Variants in MUC13 observed in about 807,000 individuals in gnomAD.
MUC13 encodes mucin 13, cell surface associated, also known as mucin-13.
MUC13 carries 32 observed loss-of-function variants against 48.3 expected under a neutral mutation model. That is an observed-to-expected ratio of 0.66 (90% CI 0.50 to 0.89). MUC13 has a LOEUF of 0.89. Among genes scored for constraint, MUC13 ranks in the 40% least tolerant of loss-of-function variants. MUC13 has a pLI of 0.00. For synonymous variants in MUC13, 199 were observed against 224.9 expected (o/e 0.88, Z 1.03); for missense variants, 571 against 622.8 (o/e 0.92, Z 0.88).
intron 2 of MUC13, among the ~76,000 whole-genome samples, chr3:124,926,750 A>G (rs1270182252): frequency 6.6e-6 from 1 of 152,224 alleles, no homozygotes; most frequent in Admixed American, 6.5e-5. Context: ...CACGAGTCAT[A>G]TCTGACCAAC....
chr3:124,920,701 ACACT>A (rs1935579914), intron 4 of MUC13, among the ~76,000 whole-genome samples: 1 of 152,220 alleles, frequency 6.6e-6, no homozygotes, highest in East Asian at 1.9e-4. Flanking sequence ...GGCTTTTGTG[ACACT>A]CACACTCAAA....
chr3:124,930,834 A>G (rs1422817887), intron 1 of MUC13, among the ~76,000 whole-genome samples: 1 of 152,252 alleles, frequency 6.6e-6, no homozygotes. Context: ...GGCACTCATC[A>G]GATTCTGTGG....
chr3:124,925,703 T>TC (rs960095684), intron 2 of MUC13, among the ~76,000 whole-genome samples: 1 of 152,214 alleles, frequency 6.6e-6, no homozygotes, highest in African/African-American at 2.4e-5. Context: ...AACCTCTGCC[T>TC]CCCAGGCTTG....
chr3:124,916,844 G>A (rs998348497), intron 5 of MUC13, among the ~76,000 whole-genome samples: 1 of 152,190 alleles, frequency 6.6e-6, no homozygotes, highest in South Asian at 2.1e-4. Context: ...GTCACTTTCT[G>A]TAGGACAGCA....
Position 124,913,614 on chromosome 3 carries a change from G to A in MUC13, c.1032C>T (p.Cys344=), listed in dbSNP as rs373984545. 1.3e-5 allele frequency: 21 copies of A among 1,614,038 alleles called. No homozygotes were observed. Among genetic ancestry groups the A allele is most frequent in the Admixed American group, 3.3e-5 (2 of 60,004 alleles). Residue 344 remains cysteine, a synonymous_variant, in exon 7 of 12, where the codon TGC becomes TGT. Transcript: ENST00000616727. ...GCCTTTGCAGGTCAGATTTGCAATCGCATGCTAAACCATTGAGGCAGTCAT... is the reference window on the plus strand; with the variant it reads ...GCCTTTGCAGGTCAGATTTGCAATCACATGCTAAACCATTGAGGCAGTCAT... ...TADDCLNGLA[C]DCKSDLQRPN... is the part of the protein sequence containing the mutation.
chr3:124,934,740 G>A lies in MUC13; in HGVS notation c.-28C>T. 1 of 1,575,946 alleles carries A rather than the reference G, an allele frequency of 6.3e-7. No homozygotes were observed. ...TAGCTGTTCTTGCTTGGTAATCTGA[G>A]GAGGAAATGATTTCCCTTCCTGGCT... On this transcript the variant is annotated 5_prime_UTR_variant, in exon 1 of 12. Coordinates refer to ENST00000616727, the MANE Select transcript of MUC13 (RefSeq NM_033049.4).
Position 124,910,422 on chromosome 3 carries a change from T to A in MUC13, c.1330A>T (p.Thr444Ser). Residue 444 changes from threonine (T) to serine (S), a missense_variant, in exon 10 of 12, where the codon ACA becomes TCA. By Grantham distance (58) the Thr-to-Ser change is moderately conservative (BLOSUM62 1). Coordinates refer to ENST00000616727, the MANE Select transcript of MUC13 (RefSeq NM_033049.4). ...ILSMIIALIV[T>S]ARSNNKTKHI... ...GACACTTTCATCCCATACCTTGCTG[T>A]GACAATCAATGCAATTATCATGCTG... 1 of 1,613,942 alleles carries A rather than the reference T, an allele frequency of 6.2e-7. No individual in the cohort carries two copies.
chr3:124,913,255 G>A lies in MUC13; in HGVS notation c.1085-15C>T. 6.3e-7 allele frequency: 1 copy of A among 1,599,716 alleles called. No individual in the cohort carries two copies. Reference sequence around the variant, plus strand: ...GAGACTGGAAGCTTCAAAACAGAATGATTTCTGGGTAATTTTCAGAAACAA... The same window carrying A: ...GAGACTGGAAGCTTCAAAACAGAATAATTTCTGGGTAATTTTCAGAAACAA... On this transcript the variant is annotated splice_polypyrimidine_tract_variant and intron_variant, in intron 7 of 11. Transcript: ENST00000616727.
chr3:124,911,989 T>C, intron 9 of MUC13, 115 bp downstream of exon 9: 1 of 1,411,188 alleles, frequency 7.1e-7, no homozygotes, highest in South Asian at 1.4e-5. Flanking sequence ...ATGGTCTCTC[T>C]CTTTATGAAA....
intron 8 of MUC13, 38 bp from the exon 9 acceptor site, chr3:124,912,179 G>T (rs1935430874): frequency 6.2e-7 from 1 of 1,607,318 alleles, no homozygotes; most frequent in Non-Finnish European, 8.5e-7. Flanking sequence ...GTGTTAAAGA[G>T]CCCCTGTGGG....
chr3:124,921,172 CA>C (rs1055243027), intron 4 of MUC13, among the ~76,000 whole-genome samples: 2 of 150,760 alleles, frequency 1.3e-5, no homozygotes, highest in African/African-American at 4.9e-5. Flanking sequence ...TTTCTCCAGG[CA>C]GAGTCTCACT....
chr3:124,932,726 T>A (rs748605147), intron 1 of MUC13, among the ~76,000 whole-genome samples: 3 of 152,036 alleles, frequency 2.0e-5, no homozygotes, highest in Non-Finnish European at 4.4e-5. Context: ...TATAGGGATT[T>A]CCCCTCTATT....
chr3:124,912,635 A>G (rs1235642361), intron 8 of MUC13, among the ~76,000 whole-genome samples: 1 of 152,192 alleles, frequency 6.6e-6, no homozygotes, highest in Non-Finnish European at 1.5e-5. Flanking sequence ...AGCATAGAGA[A>G]TGCTCAAAAA....
chr3:124,930,875 CA>C (rs1459147600), intron 1 of MUC13, among the ~76,000 whole-genome samples: 1 of 152,184 alleles, frequency 6.6e-6, no homozygotes, highest in Non-Finnish European at 1.5e-5. Context: ...TCAGAGAAAG[CA>C]AAAACAACCT....
chr3:124,920,436 A>G lies in MUC13; in HGVS notation c.745-147T>C, dbSNP rs1482837681. 3.1e-5 allele frequency: 20 copies of G among 652,368 alleles called. No homozygotes were observed. The East Asian group carries it at 5.5e-4, about 18-fold the overall frequency. The allele number at this position is 652,368 out of a possible 1,614,324, so 40.4% of individuals were successfully genotyped here. On this transcript the variant is annotated intron_variant, in intron 4 of 11. Coordinates refer to ENST00000616727, the MANE Select transcript of MUC13 (RefSeq NM_033049.4). ...GAAAATGGACCCTGGGAGACTTCTT[A>G]GGGTCTGAGCTGGGACTGCCCCCAC...
intron 1 of MUC13, among the ~76,000 whole-genome samples, chr3:124,929,371 T>G (rs983885350): frequency 3.3e-5 from 5 of 151,952 alleles, no homozygotes; most frequent in Non-Finnish European, 5.9e-5. Context: ...CTTTTCCTTG[T>G]CTCTAAGAAC....
At position 124,927,653 on chromosome 3, in the gene MUC13, G is replaced by T; in HGVS notation, c.393C>A (p.Ile131=). 1 of 1,614,188 alleles carries T rather than the reference G, an allele frequency of 6.2e-7. No individual in the cohort carries two copies. The highest frequency in any genetic ancestry group is 8.5e-7 in the Non-Finnish European group (1 of 1,180,024). ...ITASSPNDGL[I]TMVPSETQSN... ...TTTGTGTTTCAGAAGGAACCATTGT[G>T]ATTAATCCATCATTTGGAGATGAAG... The change falls in exon 2 of 12, where the codon ATC becomes ATA. Residue 131 remains isoleucine, a synonymous_variant. Transcript: ENST00000616727.
chr3:124,909,572 T>C (rs1374680877), intron 10 of MUC13, among the ~76,000 whole-genome samples: 1 of 151,638 alleles, frequency 6.6e-6, no homozygotes, highest in East Asian at 1.9e-4. Flanking sequence ...GGGGTAATCT[T>C]GGCTCACTGC....
intron 5 of MUC13, among the ~76,000 whole-genome samples, chr3:124,919,224 C>G (rs1323155688): frequency 6.6e-6 from 1 of 151,032 alleles, no homozygotes; most frequent in African/African-American, 2.4e-5. Context: ...ATAATCCCAG[C>G]TACTTGGGAG....
Sources: allele counts gnomAD v4.1 joint callset (sites outside exome capture counted in the v4.1 genomes callset), GRCh38; gene constraint gnomAD v4.1.1; transcripts MANE v1.5; gene names NCBI Gene and HGNC (gene_info 2026-07-23, HGNC 2026-07-21).